ENC1: variants seen among roughly 807,000 people sequenced by gnomAD.
The protein encoded by ENC1 is ectoderm-neural cortex protein 1.
A neutral mutation model predicts 40.9 loss-of-function variants in ENC1; 19 were observed. That is an observed-to-expected ratio of 0.46 (90% confidence interval 0.32 to 0.68). The LOEUF (loss-of-function observed/expected upper bound fraction) is 0.68. ENC1 is among the 30% of genes least tolerant of loss of function. The probability of loss-of-function intolerance (pLI) is 0.03; values close to 1 mark genes in which losing one functional copy is unlikely to be tolerated. For synonymous variants in ENC1, 285 were observed against 291.1 expected (o/e 0.98, Z 0.21); for missense variants, 479 against 737.5 (o/e 0.65, Z 4.06).
rs1350092248 is a variant in ENC1 at position 74,634,712 on chromosome 5, G to A, written c.*4C>T. 3 of 1,594,512 alleles carry A rather than the reference G, an allele frequency of 1.9e-6. No homozygotes were observed. The highest frequency in any genetic ancestry group is 2.7e-5 in the African/African-American group (2 of 74,580). On this transcript the variant is annotated 3_prime_UTR_variant, in exon 2 of 3. Coordinates refer to ENST00000302351, the MANE Select transcript of ENC1 (RefSeq NM_003633.4). ...ATGCTCACTCTCTTTAGAATGTACTGCATTTAAGAAGGCAGATGTTTCCAG... is the reference window on the plus strand; with the variant it reads ...ATGCTCACTCTCTTTAGAATGTACTACATTTAAGAAGGCAGATGTTTCCAG...
Position 74,628,470 on chromosome 5 carries a change from G to A in ENC1, c.*1555C>T, listed in dbSNP as rs1017856002. Reference sequence around the variant, plus strand: ...TGAGACTAGCACTAATACCTACGACGGCACATGCTTAGTAAACAAGCACTC... The same window carrying A: ...TGAGACTAGCACTAATACCTACGACAGCACATGCTTAGTAAACAAGCACTC... On this transcript the variant is annotated 3_prime_UTR_variant, in exon 3 of 3. Coordinates refer to ENST00000302351, the MANE Select transcript of ENC1 (RefSeq NM_003633.4). 20 of 152,564 alleles carry A rather than the reference G, an allele frequency of 1.3e-4. No homozygotes were observed. Among genetic ancestry groups the A allele is most frequent in the East Asian group, 3.8e-4 (2 of 5,196 alleles). 9.5% of individuals were successfully genotyped at this position (152,564 alleles called of 1,614,324 possible). A position where few individuals can be genotyped will look rare whatever the true frequency, so the allele number is the denominator to read the frequency against.
At position 74,635,373 on chromosome 5, in the gene ENC1, A is replaced by C. The variant is rs764826517; in HGVS notation, c.1113T>G (p.Ala371=). The change falls in exon 2 of 3, where the codon GCT becomes GCG. Residue 371 remains alanine, a synonymous_variant. Coordinates refer to ENST00000302351, the MANE Select transcript of ENC1 (RefSeq NM_003633.4). This position sits in a 1 kb window ranked among gnomAD's most constrained non-coding sequence, Gnocchi z 5.5. ...CAAACCTGGCCACCAGCATGGGGGC[A>C]GCCTTGGACCACTCCTCGTGCAGGG... The part of the protein sequence containing the change: ...YDTLHEEWSK[A]APMLVARFGH... The C allele has an allele frequency of 4.3e-6, 7 of 1,614,114 alleles. No individual in the cohort carries two copies. The African/African-American group carries it at 9.3e-5, about 22-fold the overall frequency.
Position 74,636,052 on chromosome 5 carries a change from T to C in ENC1, c.434A>G (p.His145Arg), listed in dbSNP as rs200107279. The C allele has an allele frequency of 1.9e-6, 3 of 1,614,232 alleles. No homozygotes were observed. The highest frequency in any genetic ancestry group is 1.7e-5 in the Admixed American group (1 of 60,028). Residue 145 changes from histidine (H) to arginine (R), a missense_variant, in exon 2 of 3, where the codon CAT becomes CGT. Coordinates refer to ENST00000302351, the MANE Select transcript of ENC1 (RefSeq NM_003633.4). The surrounding 1 kb of genome is among the most constrained non-coding windows in gnomAD (Gnocchi z 4.8). ...ACAEFLEKNL[H>R]PTNCLGMLLL... ...CAGCATGCCCAGGCAGTTGGTGGGATGCAGGTTCTTTTCCAGGAACTCTGC... is the reference window on the plus strand; with the variant it reads ...CAGCATGCCCAGGCAGTTGGTGGGACGCAGGTTCTTTTCCAGGAACTCTGC...
intron 2 of ENC1, among the ~76,000 whole-genome samples, chr5:74,634,185 G>A (rs575923666): frequency 5.9e-5 from 9 of 152,182 alleles, no homozygotes; most frequent in East Asian, 3.9e-4. Flanking sequence ...AGGCCGAGGC[G>A]GGCGGATCAT....
chr5:74,631,562 CAA>C (rs949861989), intron 2 of ENC1, among the ~76,000 whole-genome samples: 2 of 152,206 alleles, frequency 1.3e-5, no homozygotes, highest in African/African-American at 2.4e-5. Context: ...GTCGGAAATT[CAA>C]AGAGTGGCTT....
Position 74,636,095 on chromosome 5 carries a change from C to T in ENC1, c.391G>A (p.Asp131Asn). 2 of 1,614,160 alleles carry T rather than the reference C, an allele frequency of 1.2e-6. No individual in the cohort carries two copies. The highest frequency in any genetic ancestry group is 2.2e-5 in the East Asian group (1 of 44,872). The change falls in exon 2 of 3, where the codon GAC (aspartate) becomes AAC (asparagine). Residue 131 changes from aspartate (D) to asparagine (N), a missense_variant. By Grantham distance (23) the Asp-to-Asn change is conservative. Transcript: ENST00000302351. The surrounding 1 kb of genome is among the most constrained non-coding windows in gnomAD (Gnocchi z 4.8). ...LEAGDMLEFQ[D>N]IRDACAEFLE... is the part of the protein sequence containing the mutation. ...AACTCTGCACATGCATCCCGGATGT[C>T]TTGAAACTCCAGCATGTCACCAGCT...
Position 74,629,077 on chromosome 5 carries a change from A to G in ENC1, c.*948T>C, listed in dbSNP as rs1487820818. 6.6e-6 allele frequency: 1 copy of G among 152,172 alleles called. No individual in the cohort carries two copies. Among genetic ancestry groups the G allele is most frequent in the Non-Finnish European group, 1.5e-5 (1 of 68,024 alleles). The allele number at this position is 152,172 out of a possible 1,614,324, so 9.4% of individuals were successfully genotyped here. On this transcript the variant is annotated 3_prime_UTR_variant, in exon 3 of 3. Coordinates refer to ENST00000302351, the MANE Select transcript of ENC1 (RefSeq NM_003633.4). ...CATGAAATCCCATTAAAAGTTGGTG[A>G]GTCTGAGAAAAGCGATCTCCACGGT...
Position 74,628,149 on chromosome 5 carries a change from T to A in ENC1, c.*1876A>T, listed in dbSNP as rs1183055640. The A allele has an allele frequency of 6.6e-6, 1 of 152,652 alleles. No homozygotes were observed. The highest frequency in any genetic ancestry group is 1.9e-4 in the East Asian group (1 of 5,202). The allele number at this position is 152,652 out of a possible 1,614,324, so 9.5% of individuals were successfully genotyped here. A position where few individuals can be genotyped will look rare whatever the true frequency, so the allele number is the denominator to read the frequency against. ...TAGAACACATCTAGGAACCAGGGAC[T>A]GACTGCTGGAAAGTACTGTGATTCT... On this transcript the variant is annotated 3_prime_UTR_variant, in exon 3 of 3. Coordinates refer to ENST00000302351, the MANE Select transcript of ENC1 (RefSeq NM_003633.4).
chr5:74,631,131 C>G (rs180757516), intron 2 of ENC1, among the ~76,000 whole-genome samples: 1 of 151,462 alleles, frequency 6.6e-6, no homozygotes, highest in Non-Finnish European at 1.5e-5. Flanking sequence ...CACCCTCCCC[C>G]CAAAAAATTG....
chr5:74,631,049 A>G (rs983431329), intron 2 of ENC1, among the ~76,000 whole-genome samples: 1 of 120,568 alleles, frequency 8.3e-6, no homozygotes, highest in Non-Finnish European at 1.9e-5. Context: ...ACATTAGGCC[A>G]AAAGAATGTA....
At chr5:74,633,121 T>G (rs189807160) in intron 2 of ENC1, among the ~76,000 whole-genome samples, 21 of 152,326 alleles carry the variant, frequency 1.4e-4, no homozygotes, top group African/African-American at 4.8e-4. Flanking sequence ...CTTCTCTTAT[T>G]ATTAGTAATA....
chr5:74,635,988 T>C lies in ENC1; in HGVS notation c.498A>G (p.Glu166=). The change falls in exon 2 of 3, where the codon GAA becomes GAG. Residue 166 remains glutamate (E), a synonymous_variant. Coordinates refer to ENST00000302351, the MANE Select transcript of ENC1 (RefSeq NM_003633.4). The surrounding 1 kb of genome is among the most constrained non-coding windows in gnomAD (Gnocchi z 5.5). ...SDAHQCTKLY[E]LSWRMCLSNF... is the part of the protein sequence containing the mutation. The stretch of plus-strand genomic sequence containing the variant: ...TGCTGAGACACATTCTCCAAGATAG[T>C]TCGTACAGCTTGGTGCACTGGTGTG... The C allele has an allele frequency of 6.2e-7, 1 of 1,614,150 alleles. No homozygotes were observed. Among genetic ancestry groups the C allele is most frequent in the South Asian group, 1.1e-5 (1 of 91,084 alleles).
rs918958695 is a variant in ENC1, at chr5:74,628,659, T to C, written c.*1366A>G. 1 of 152,230 alleles carries C rather than the reference T, an allele frequency of 6.6e-6. No individual in the cohort carries two copies. Among genetic ancestry groups the C allele is most frequent in the African/African-American group, 2.4e-5 (1 of 41,450 alleles). 9.4% of individuals were successfully genotyped at this position (152,230 alleles called of 1,614,324 possible). A position where few individuals can be genotyped will look rare whatever the true frequency, so the allele number is the denominator to read the frequency against. On this transcript the variant is annotated 3_prime_UTR_variant, in exon 3 of 3. Coordinates refer to ENST00000302351, the MANE Select transcript of ENC1 (RefSeq NM_003633.4). ...TTGCCTACGGGTGAGCACTGAAGTA[T>C]ACATTGTGCCAATGTAATTATTGTC...
chr5:74,630,670 G>C (rs1013152536), intron 2 of ENC1, among the ~76,000 whole-genome samples: 2 of 152,208 alleles, frequency 1.3e-5, no homozygotes, highest in Non-Finnish European at 2.9e-5. Flanking sequence ...CAGTGCTACA[G>C]AATCTACGTA....
rs751619252 is a variant in ENC1 at position 74,635,667 on chromosome 5, T to C, written c.819A>G (p.Lys273=). 5.7e-5 allele frequency: 92 copies of C among 1,614,070 alleles called. 1 individual carries two copies. The highest frequency in any genetic ancestry group is 8.5e-7 in the Non-Finnish European group (1 of 1,180,038). ...KEIVEEAIRC[K]LKILQNDGVV... The stretch of plus-strand genomic sequence containing the variant: ...CACCGTCATTCTGCAGGATTTTCAG[T>C]TTGCACCTGATGGCCTCTTCCACAA... Residue 273 remains lysine (K), a synonymous_variant, in exon 2 of 3, where the codon AAA becomes AAG. Coordinates refer to ENST00000302351, the MANE Select transcript of ENC1 (RefSeq NM_003633.4). The surrounding 1 kb of genome is among the most constrained non-coding windows in gnomAD (Gnocchi z 5.5).
At chr5:74,638,208 A>G (rs181704209) in intron 1 of ENC1, among the ~76,000 whole-genome samples, 31 of 152,342 alleles carry the variant, frequency 2.0e-4, no homozygotes, top group Admixed American at 1.9e-3. Flanking sequence ...TTAAATGCAT[A>G]TTCTAAGAAT....
intron 1 of ENC1, among the ~76,000 whole-genome samples, chr5:74,639,621 A>G (rs1747758343): frequency 6.6e-6 from 1 of 152,250 alleles, no homozygotes. Context: ...AGATCTTGTT[A>G]ACAAAAGTAG....
Position 74,636,223 on chromosome 5 carries a change from T to C in ENC1, c.263A>G (p.Asn88Ser). 6.2e-7 allele frequency: 1 copy of C among 1,614,224 alleles called. No homozygotes were observed. Among genetic ancestry groups the C allele is most frequent in the Non-Finnish European group, 8.5e-7 (1 of 1,180,034 alleles). Residue 88 changes from asparagine (N) to serine (S), a missense_variant, in exon 2 of 3, where the codon AAC (asparagine) becomes AGC (serine). By Grantham distance (46) the Asn-to-Ser change is conservative (BLOSUM62 1). Coordinates refer to ENST00000302351, the MANE Select transcript of ENC1 (RefSeq NM_003633.4). The surrounding 1 kb of genome is among the most constrained non-coding windows in gnomAD (Gnocchi z 4.8). ...GLKESQDSEV[N>S]FDNSIHPEVL... ...TTCTGGGTGGATGGAATTGTCAAAG[T>C]TGACCTCACTGTCCTGGCTCTCTTT...
chr5:74,636,221 AG>A lies in ENC1; in HGVS notation c.264del (p.Phe89LeufsTer105). The A allele has an allele frequency of 1.9e-6, 3 of 1,614,208 alleles. No individual in the cohort carries two copies. The highest frequency in any genetic ancestry group is 2.5e-6 in the Non-Finnish European group (3 of 1,180,044). On this transcript the variant is annotated frameshift_variant, in exon 2 of 3. Transcript: ENST00000302351. LOFTEE classifies it high-confidence loss of function. This position sits in a 1 kb window ranked among gnomAD's most constrained non-coding sequence, Gnocchi z 4.8. ...ACTTCTGGGTGGATGGAATTGTCAA[AG>A]TTGACCTCACTGTCCTGGCTCTCTT... ...GLKESQDSEV[N>X]FDNSIHPEVL...
Sources: allele counts gnomAD v4.1 joint callset (sites outside exome capture counted in the v4.1 genomes callset), GRCh38; gene constraint gnomAD v4.1.1; non-coding constraint Gnocchi (gnomAD v3.1); transcripts MANE v1.5; gene names NCBI Gene and HGNC (gene_info 2026-07-23, HGNC 2026-07-21).